Variants in CFI observed in about 807,000 individuals in gnomAD.
CFI encodes C3B/C4B inactivator.
In CFI, 66 loss-of-function variants were observed where a neutral mutation model predicts 78.8. That is an observed-to-expected ratio of 0.84 (90% CI 0.69 to 1.03). CFI has a LOEUF of 1.03. Ranked by LOEUF, CFI falls within the 50% of genes least tolerant of loss-of-function variation. The probability of loss-of-function intolerance (pLI) is 0.00; values close to 1 mark genes in which losing one functional copy is unlikely to be tolerated. For synonymous variants in CFI, 250 were observed against 232.6 expected, an observed-to-expected ratio of 1.07 and a Z score of -0.68; for missense variants, 706 against 704.5, an observed-to-expected ratio of 1.00 and a Z score of -0.02.
intron 11 of CFI, among the ~76,000 whole-genome samples, chr4:109,745,281 C>T (rs1015032388): frequency 1.3e-5 from 2 of 152,140 alleles, no homozygotes; most frequent in African/African-American, 4.8e-5. Context: ...CTCCCGGGCT[C>T]AAGTGATCCT....
Position 109,761,690 on chromosome 4 carries a change from C to T in CFI, c.485G>A (p.Gly162Asp), listed in dbSNP as rs546607673. ...VACLDLGFQQ[G>D]ADTQRRFKLS... ...CTTAAACCTTCTTTGAGTATCAGCA[C>T]CTCTGCAAATAGAATAAAGGAAACA... The change falls in exon 4 of 13, where the codon GGT becomes GAT. Residue 162 changes from glycine (G) to aspartate (D), a missense_variant and splice_region_variant. By Grantham distance (94) the Gly-to-Asp change is moderately conservative (BLOSUM62 -1). Transcript: ENST00000394634. 3.5e-5 allele frequency: 56 copies of T among 1,609,294 alleles called. No individual in the cohort carries two copies. Among genetic ancestry groups the T allele is most frequent in the Admixed American group, 5.0e-5 (3 of 59,994 alleles).
chr4:109,756,977 G>GAAAGAAAGAA (rs1380821599), intron 7 of CFI, among the ~76,000 whole-genome samples: 2 of 141,046 alleles, frequency 1.4e-5, no homozygotes, highest in African/African-American at 2.6e-5. Flanking sequence ...AAGAAAGAAA[G>GAAAGAAAGAA]AAATTCTGAG....
rs1320920624 is a variant in CFI at position 109,746,372 on chromosome 4, G to T, written c.1279C>A (p.Gln427Lys). 6.2e-7 allele frequency: 1 copy of T among 1,614,062 alleles called. No homozygotes were observed. The highest frequency in any genetic ancestry group is 2.2e-5 in the East Asian group (1 of 44,882). Reference sequence around the variant, plus strand: ...ATTTCAATCAAAGCGATGTCATTTTGGTAAGTGCCTGCATTGTAGTTTTCA... The same window carrying T: ...ATTTCAATCAAAGCGATGTCATTTTTGTAAGTGCCTGCATTGTAGTTTTCA... ...FHENYNAGTYQNDIALIEMKK... is the reference protein window; with the variant it reads ...FHENYNAGTYKNDIALIEMKK... The change falls in exon 11 of 13, where the codon CAA becomes AAA. Residue 427 changes from glutamine (Q) to lysine (K), a missense_variant. Coordinates refer to ENST00000394634, the MANE Select transcript of CFI (RefSeq NM_000204.5).
chr4:109,776,115 A>T (rs1729203600), intron 1 of CFI, among the ~76,000 whole-genome samples: 1 of 152,226 alleles, frequency 6.6e-6, no homozygotes, highest in Non-Finnish European at 1.5e-5. Context: ...TGGATGGAGA[A>T]TGATTTTGAC....
At chr4:109,755,595 C>T (rs745986076) in intron 7 of CFI, among the ~76,000 whole-genome samples, 15 of 152,124 alleles carry the variant, frequency 9.9e-5, no homozygotes, top group South Asian at 4.2e-4. Context: ...AAAGTGAGTT[C>T]GGACTCCTCT....
At chr4:109,762,656 T>G (rs7675451) in intron 3 of CFI, 148,246 of 152,308 alleles carry the variant, frequency 0.97, 72,270 homozygotes, top group East Asian at 1. Flanking sequence ...AAAGCAAAAA[T>G]AAAACAAGGT....
chr4:109,781,381 C>T (rs1434988224), intron 1 of CFI, among the ~76,000 whole-genome samples: 2 of 152,120 alleles, frequency 1.3e-5, no homozygotes, highest in African/African-American at 2.4e-5. Flanking sequence ...CTACTATGAA[C>T]ATCTTTACGC....
downstream of CFI, among the ~76,000 whole-genome samples, chr4:109,735,774 C>T (rs1723339202): frequency 1.3e-5 from 2 of 152,224 alleles, no homozygotes; most frequent in Non-Finnish European, 2.9e-5. Flanking sequence ...TGTACTCAGA[C>T]TTACATCTGG....
At chr4:109,760,200 T>C in intron 6 of CFI, 70 bp downstream of exon 6, 1 of 1,043,956 alleles carries the variant, frequency 9.6e-7, no homozygotes, top group Non-Finnish European at 1.5e-6. Context: ...GATTATACTT[T>C]ACCTAAAGAA....
intron 1 of CFI, among the ~76,000 whole-genome samples, chr4:109,771,588 C>A (rs781714467): frequency 2.7e-5 from 4 of 150,910 alleles, no homozygotes; most frequent in African/African-American, 9.7e-5. Flanking sequence ...GTGGTGTGTG[C>A]CTGTAATCCC....
chr4:109,770,166 G>T (rs1445917954), intron 1 of CFI, among the ~76,000 whole-genome samples: 1 of 152,144 alleles, frequency 6.6e-6, no homozygotes, highest in Non-Finnish European at 1.5e-5. Flanking sequence ...AGTCACTTAT[G>T]CTAAGTGGCA....
chr4:109,762,064 AC>A (rs1223661755), intron 3 of CFI: 1 of 263,310 alleles, frequency 3.8e-6, no homozygotes, highest in Non-Finnish European at 7.4e-6. Flanking sequence ...GGTGGCCTAC[AC>A]CTGTAGTCTC....
intron 1 of CFI, among the ~76,000 whole-genome samples, chr4:109,801,338 C>T (rs1429696847): frequency 6.6e-6 from 1 of 152,180 alleles, no homozygotes; most frequent in African/African-American, 2.4e-5. Context: ...ACATGTAATA[C>T]AGAATTAAAC....
rs927088953 is a variant in CFI, at chr4:109,742,520, C to T, written c.1505G>A (p.Arg502His). 9.3e-6 allele frequency: 15 copies of T among 1,613,056 alleles called. No individual in the cohort carries two copies. Among genetic ancestry groups the T allele is most frequent in the Middle Eastern group, 1.6e-4 (1 of 6,082 alleles). ...ACATTCCATTTCTTTTTCATAGAAA[C>T]GATTTCCGTAAAACTTAGAGCAGTT... ...ISNCSKFYGN[R>H]FYEKEMECAG... Residue 502 changes from arginine to histidine, a missense_variant, in exon 12 of 13, where the codon CGT becomes CAT. Transcript: ENST00000394634.
Position 109,751,304 on chromosome 4 carries a change from A to G in CFI, c.940+1164T>C, listed in dbSNP as rs531926505. 3.9e-5 allele frequency among the ~76,000 whole-genome samples: 6 copies of G among 152,192 alleles called. 1 individual carries two copies. In the South Asian group the frequency reaches 1.2e-3, roughly 32 times the overall value. On this transcript the variant is annotated intron_variant, in intron 8 of 12. Coordinates refer to ENST00000394634, the MANE Select transcript of CFI (RefSeq NM_000204.5). ...AGTTTTTGCTTACACTTTTGAAGGA[A>G]GAGGGATCTCATGCTCTGAGGACTG...
chr4:109,760,243 A>C (rs750020335), intron 6 of CFI, 27 bp downstream of exon 6: 2 of 1,540,520 alleles, frequency 1.3e-6, no homozygotes, highest in Non-Finnish European at 1.8e-6. Flanking sequence ...AATAATGAAA[A>C]AAAGTCACCC....
chr4:109,763,824 C>G (rs1487907844), intron 3 of CFI, among the ~76,000 whole-genome samples: 2 of 151,582 alleles, frequency 1.3e-5, no homozygotes, highest in African/African-American at 4.8e-5. Flanking sequence ...AAATCAATAA[C>G]ACAAAGTTAA....
At chr4:109,754,025 C>A (rs1725785519) in intron 7 of CFI, among the ~76,000 whole-genome samples, 1 of 149,472 alleles carries the variant, frequency 6.7e-6, no homozygotes, top group African/African-American at 2.5e-5. Context: ...ACTCTGTTGC[C>A]CAGACTGGAG....
At chr4:109,770,184 A>T (rs1728385583) in intron 1 of CFI, among the ~76,000 whole-genome samples, 1 of 152,208 alleles carries the variant, frequency 6.6e-6, no homozygotes, top group Admixed American at 6.5e-5. Flanking sequence ...GCATGTAATT[A>T]AACTGAAACT....
Sources: allele counts gnomAD v4.1 joint callset (sites outside exome capture counted in the v4.1 genomes callset), GRCh38; gene constraint gnomAD v4.1.1; transcripts MANE v1.5; gene names NCBI Gene and HGNC (gene_info 2026-07-23, HGNC 2026-07-21).